ARMC2: variants seen among roughly 807,000 people sequenced by gnomAD.
ARMC2 encodes armadillo repeat containing 2.
ARMC2 carries 67 observed loss-of-function variants against 90.3 expected under a neutral mutation model. That is an observed-to-expected ratio of 0.74 (90% CI 0.61 to 0.91). ARMC2 has a LOEUF of 0.91. Ranked by LOEUF, ARMC2 falls within the 40% of genes least tolerant of loss-of-function variation. ARMC2 has a pLI of 0.00. For missense variants in ARMC2, 920 were observed against 1,030.9 expected (o/e 0.89, Z 1.47); for synonymous variants, 393 against 393.0 (o/e 1.00, Z 0.00).
the ARMC2 span, among the ~76,000 whole-genome samples, chr6:108,990,105 G>C: frequency 6.6e-6 from 1 of 152,206 alleles, no homozygotes; most frequent in Non-Finnish European, 1.5e-5. Flanking sequence ...CTCAGAGTTT[G>C]TGTGCATGTG....
chr6:108,965,188 G>T, intron 17 of ARMC2, 48 bp downstream of exon 17: 1 of 1,525,878 alleles, frequency 6.6e-7, no homozygotes, highest in Non-Finnish European at 9.0e-7. Flanking sequence ...CAGAGTGTGA[G>T]ATAGTTTTTT....
At chr6:108,893,268 T>C (rs1252275055) in intron 5 of ARMC2, among the ~76,000 whole-genome samples, 1 of 152,240 alleles carries the variant, frequency 6.6e-6, no homozygotes, top group Non-Finnish European at 1.5e-5. Flanking sequence ...AGTTTTTTAA[T>C]GTTTAAAATA....
intron 16 of ARMC2, among the ~76,000 whole-genome samples, chr6:108,964,734 G>C (rs1489143570): frequency 6.6e-6 from 1 of 151,880 alleles, no homozygotes. Context: ...AGGTTGCGGT[G>C]AGCCGAGATC....
chr6:109,027,833 G>A, the ARMC2 span, among the ~76,000 whole-genome samples: 5 of 152,062 alleles, frequency 3.3e-5, no homozygotes, highest in Non-Finnish European at 7.4e-5. Flanking sequence ...TACTGAACAT[G>A]TTTTAATGTG....
At chr6:108,936,280 A>G (rs1240490774) in intron 11 of ARMC2, among the ~76,000 whole-genome samples, 1 of 152,128 alleles carries the variant, frequency 6.6e-6, no homozygotes, top group Non-Finnish European at 1.5e-5. Context: ...GTTTTGAGGC[A>G]GAGTCTCGCC....
intron 7 of ARMC2, among the ~76,000 whole-genome samples, chr6:108,902,396 G>C (rs1772241733): frequency 6.6e-6 from 1 of 152,190 alleles, no homozygotes; most frequent in South Asian, 2.1e-4. Flanking sequence ...GTGGAAGGAA[G>C]TCTTAGAAAA....
chr6:108,899,212 A>G (rs1013834434), intron 6 of ARMC2, among the ~76,000 whole-genome samples: 2 of 152,222 alleles, frequency 1.3e-5, no homozygotes, highest in African/African-American at 4.8e-5. Context: ...TACACCACAC[A>G]AAATCACTTG....
chr6:108,896,296 C>T (rs906256612), intron 6 of ARMC2, among the ~76,000 whole-genome samples: 6 of 152,102 alleles, frequency 3.9e-5, no homozygotes, highest in Admixed American at 2.0e-4. Context: ...TTGACTTACC[C>T]AATTTCCTGT....
the ARMC2 span, among the ~76,000 whole-genome samples, chr6:109,047,546 G>A: frequency 7.3e-6 from 1 of 136,928 alleles, no homozygotes; most frequent in African/African-American, 2.6e-5. Flanking sequence ...CGCCCCTACT[G>A]GGAAGTGAGG....
At chr6:108,852,305 C>T (rs17069933) in intron 1 of ARMC2, among the ~76,000 whole-genome samples, 4,430 of 152,170 alleles carry the variant, frequency 0.029, 173 homozygotes, top group Admixed American at 0.11. Flanking sequence ...ATGATCATAA[C>T]ATTGTGCAGA....
intron 13 of ARMC2, among the ~76,000 whole-genome samples, chr6:108,955,065 A>C (rs1777472233): frequency 6.6e-6 from 1 of 152,088 alleles, no homozygotes; most frequent in Admixed American, 6.6e-5. Flanking sequence ...GCTCCACCGG[A>C]TGAGGGCCCC....
At chr6:109,028,761 G>C in the ARMC2 span, among the ~76,000 whole-genome samples, 1 of 152,288 alleles carries the variant, frequency 6.6e-6, no homozygotes, top group South Asian at 2.1e-4. Context: ...AACTGGCACA[G>C]AACAAAGACT....
chr6:108,899,644 G>T, intron 6 of ARMC2, 50 bp from the exon 7 acceptor site: 2 of 1,413,420 alleles, frequency 1.4e-6, no homozygotes, highest in South Asian at 2.4e-5. Flanking sequence ...CATGCTTCAT[G>T]ACAACTCCTT....
chr6:109,009,357 A>T, the ARMC2 span: 2 of 1,467,908 alleles, frequency 1.4e-6, no homozygotes, highest in Admixed American at 2.4e-5. Flanking sequence ...TCGCCCAGGT[A>T]CCTCGTCCTG....
At chr6:108,992,881 G>A in the ARMC2 span, 2 of 1,610,890 alleles carry the variant, frequency 1.2e-6, no homozygotes, top group Non-Finnish European at 8.5e-7. Flanking sequence ...AGCTCTTGCT[G>A]GTGTAACTTC....
the ARMC2 span, among the ~76,000 whole-genome samples, chr6:109,032,475 AG>A: frequency 6.6e-6 from 1 of 151,162 alleles, no homozygotes; most frequent in South Asian, 2.1e-4. Context: ...AAAATTAGCC[AG>A]GTGTGATGGT....
chr6:109,014,829 G>A, the ARMC2 span, among the ~76,000 whole-genome samples: 2 of 151,902 alleles, frequency 1.3e-5, no homozygotes, highest in Non-Finnish European at 1.5e-5. Context: ...CATGACCCCC[G>A]TTTCTCAAAA....
At chr6:108,905,558 AAGAG>A (rs1772601016) in intron 8 of ARMC2, among the ~76,000 whole-genome samples, 1 of 152,016 alleles carries the variant, frequency 6.6e-6, no homozygotes, top group African/African-American at 2.4e-5. Context: ...AAAAGAAAGA[AAGAG>A]CAAGAAGGAA....
chr6:109,018,482 T>C, the ARMC2 span, among the ~76,000 whole-genome samples: 1 of 152,210 alleles, frequency 6.6e-6, no homozygotes, highest in African/African-American at 2.4e-5. Flanking sequence ...AGTGGATATT[T>C]TGCTTTAAAG....
Sources: gnomAD v4.1 joint callset for allele counts (sites outside exome capture counted in the v4.1 genomes callset) on GRCh38, gnomAD v4.1.1 for gene constraint, MANE v1.5 for transcripts, NCBI Gene and HGNC (gene_info 2026-07-23, HGNC 2026-07-21) for gene names.